Variants in ASTN2 observed in about 807,000 individuals in gnomAD.
ASTN2 encodes astrotactin 2, also known as astrotactin-2.
ASTN2 carries 54 observed loss-of-function variants against 139.8 expected under a neutral mutation model. The ratio of observed to expected loss-of-function variants is 0.39; its 90% CI spans 0.31 to 0.48. The LOEUF is 0.48. Among genes scored for constraint, ASTN2 ranks in the 20% least tolerant of loss-of-function variants. The probability of loss-of-function intolerance (pLI) is 0.95; values close to 1 mark genes in which losing one functional copy is unlikely to be tolerated. For synonymous variants in ASTN2, 756 were observed against 719.5 expected, an observed-to-expected ratio of 1.05 and a Z score of -0.81; for missense variants, 1,565 against 1,725.1, an observed-to-expected ratio of 0.91 and a Z score of 1.64.
At chr9:116,780,864 T>C (rs1317992903) in intron 13 of ASTN2, among the ~76,000 whole-genome samples, 1 of 142,834 alleles carries the variant, frequency 7.0e-6, no homozygotes, top group Non-Finnish European at 1.5e-5. Flanking sequence ...TTTGAGATGG[T>C]GTTTTGCTCT....
intron 1 of ASTN2, among the ~76,000 whole-genome samples, chr9:117,399,105 G>A (rs2130958310): frequency 6.6e-6 from 1 of 152,214 alleles, no homozygotes; most frequent in Middle Eastern, 3.4e-3. Flanking sequence ...ATTGAGGTTG[G>A]AAATACAATA....
At chr9:116,930,976 AC>A (rs1377851511) in intron 10 of ASTN2, among the ~76,000 whole-genome samples, 1 of 150,670 alleles carries the variant, frequency 6.6e-6, no homozygotes, top group African/African-American at 2.4e-5. Flanking sequence ...TGGGTTACTG[AC>A]CCCAATCTAA....
chr9:116,638,777 TTTAG>T (rs1471295486), intron 17 of ASTN2, among the ~76,000 whole-genome samples: 3 of 133,028 alleles, frequency 2.3e-5, no homozygotes, highest in Non-Finnish European at 4.9e-5. Context: ...TTGGATCTTA[TTTAG>T]TTTCTGATTT....
At chr9:116,763,946 G>T (rs1031841499) in intron 13 of ASTN2, among the ~76,000 whole-genome samples, 2 of 152,192 alleles carry the variant, frequency 1.3e-5, no homozygotes, top group African/African-American at 4.8e-5. Context: ...TGCAGAGGAA[G>T]CCCAGAGAAA....
At chr9:116,495,054 C>G (rs780627636) in intron 19 of ASTN2, among the ~76,000 whole-genome samples, 6 of 152,170 alleles carry the variant, frequency 3.9e-5, no homozygotes, top group Non-Finnish European at 5.9e-5. Flanking sequence ...CAGGCTGCCT[C>G]CTGCATAACC....
At chr9:117,312,630 C>T (rs928237983) in intron 1 of ASTN2, among the ~76,000 whole-genome samples, 1 of 152,082 alleles carries the variant, frequency 6.6e-6, no homozygotes, top group African/African-American at 2.4e-5. Flanking sequence ...TAAGGATGGC[C>T]CTGAAATGCC....
chr9:117,106,913 C>A (rs1251480522), intron 4 of ASTN2, among the ~76,000 whole-genome samples: 1 of 152,120 alleles, frequency 6.6e-6, no homozygotes, highest in Non-Finnish European at 1.5e-5. Flanking sequence ...ATATGTGTGT[C>A]TGTGCATGTG....
At chr9:116,460,899 G>A (rs149618292) in intron 20 of ASTN2, among the ~76,000 whole-genome samples, 132 of 152,160 alleles carry the variant, frequency 8.7e-4, no homozygotes, top group African/African-American at 3.1e-3. Flanking sequence ...CTTAACAAAT[G>A]GTAACAGCAC....
intron 3 of ASTN2, among the ~76,000 whole-genome samples, chr9:117,195,034 G>A (rs1442113927): frequency 6.6e-6 from 1 of 152,102 alleles, no homozygotes; most frequent in Non-Finnish European, 1.5e-5. Flanking sequence ...CCTGCTATGT[G>A]CCAGGGATTG....
At chr9:116,912,859 C>T (rs58798469) in intron 10 of ASTN2, among the ~76,000 whole-genome samples, 1 of 152,206 alleles carries the variant, frequency 6.6e-6, no homozygotes, top group South Asian at 2.1e-4. Context: ...GAACTCAGGC[C>T]TGCACTTCCT....
intron 4 of ASTN2, among the ~76,000 whole-genome samples, chr9:117,140,608 A>AAGGAGAAAGAGGAGG (rs1261396414): frequency 1.3e-5 from 2 of 151,266 alleles, no homozygotes; most frequent in African/African-American, 4.9e-5. Flanking sequence ...AGAGATGTAG[A>AAGGAGAAAGAGGAGG]AGGAGAAAGA....
intron 11 of ASTN2, 21 bp downstream of exon 11, chr9:116,863,562 C>G (rs890013210): frequency 1.2e-6 from 2 of 1,611,800 alleles, no homozygotes; most frequent in African/African-American, 2.7e-5. Flanking sequence ...CTGCCATGTT[C>G]CCGGGCCAAT....
Position 117,200,996 on chromosome 9 carries a change from C to CTTT in ASTN2, c.1015+13359_1015+13361dup, listed in dbSNP as rs777675838. On this transcript the variant is annotated intron_variant, in intron 3 of 22. Transcript: ENST00000313400. ...AGCTATGAAACCATCTGGTCCTGGG[C>CTTT]TTTTTTTTTTTTTTTTTTTGGTTGG... Among the ~76,000 whole-genome samples, 750 of 94,930 alleles carry CTTT rather than the reference C, an allele frequency of 7.9e-3. 38 individuals carry two copies. The highest frequency in any genetic ancestry group is 0.024 in the African/African-American group (570 of 23,728). 62.3% of individuals were successfully genotyped at this position (94,930 alleles called of 152,430 possible). A position where few individuals can be genotyped will look rare whatever the true frequency, so the allele number is the denominator to read the frequency against.
chr9:116,582,496 T>G (rs1853991047), intron 19 of ASTN2: 1 of 152,244 alleles, frequency 6.6e-6, no homozygotes, highest in South Asian at 2.1e-4. Flanking sequence ...CAAGGCCACA[T>G]AACTAGTAAG....
intron 16 of ASTN2, among the ~76,000 whole-genome samples, chr9:116,671,843 G>A (rs1201826839): frequency 1.3e-5 from 2 of 152,062 alleles, no homozygotes. Flanking sequence ...TCTTGAAAAT[G>A]GCTACTTCCC....
In ASTN2 at chr9:116,812,034, T is replaced by C. The variant is rs575893982; in HGVS notation, c.2208-6214A>G. Reference sequence around the variant, plus strand: ...TATATTTTTACATGTGGAATTATCATATAGAAGTTAAATATATGCATTATT... The same window carrying C: ...TATATTTTTACATGTGGAATTATCACATAGAAGTTAAATATATGCATTATT... On this transcript the variant is annotated intron_variant, in intron 12 of 22. Transcript: ENST00000313400. Among the ~76,000 whole-genome samples the C allele has an allele frequency of 3.3e-5, 5 of 152,338 alleles. No individual in the cohort carries two copies. The South Asian group carries it at 1.0e-3, about 32-fold the overall frequency.
At chr9:116,783,571 G>T (rs1830279955) in intron 13 of ASTN2, among the ~76,000 whole-genome samples, 1 of 152,088 alleles carries the variant, frequency 6.6e-6, no homozygotes, top group South Asian at 2.1e-4. Context: ...ATTCAGTGAG[G>T]TAGTTAATAT....
chr9:116,780,707 T>C (rs1270111915), intron 13 of ASTN2, among the ~76,000 whole-genome samples: 1 of 152,174 alleles, frequency 6.6e-6, no homozygotes, highest in Non-Finnish European at 1.5e-5. Flanking sequence ...GTTCTCTTCA[T>C]TTCCATTTCC....
chr9:117,332,757 C>T (rs1828754558), intron 1 of ASTN2, among the ~76,000 whole-genome samples: 1 of 152,148 alleles, frequency 6.6e-6, no homozygotes, highest in African/African-American at 2.4e-5. Context: ...TACCTAATGT[C>T]CATCATCTAA....
Sources: allele counts gnomAD v4.1 joint callset (sites outside exome capture counted in the v4.1 genomes callset), GRCh38; gene constraint gnomAD v4.1.1; transcripts MANE v1.5; gene names NCBI Gene and HGNC (gene_info 2026-07-23, HGNC 2026-07-21).